The following HECW1 variants were observed in gnomAD, a reference collection of about 807,000 sequenced individuals.
HECW1 encodes the protein E3 ubiquitin-protein ligase HECW1.
HECW1 carries 61 observed loss-of-function variants against 182.3 expected under a neutral mutation model. The observed-to-expected ratio is 0.33, with a 90% CI of 0.27 to 0.41. The LOEUF is 0.41. HECW1 is among the 10% of genes least tolerant of loss of function. The pLI, the probability that HECW1 is intolerant of heterozygous loss-of-function variation, is 1.00. For synonymous variants in HECW1, 859 were observed against 832.6 expected (o/e 1.03, Z -0.55); for missense variants, 1,739 against 2,108.9 (o/e 0.82, Z 3.44).
chr7:43,447,451 T>C (rs1308953076), intron 11 of HECW1, among the ~76,000 whole-genome samples: 1 of 152,204 alleles, frequency 6.6e-6, no homozygotes, highest in Non-Finnish European at 1.5e-5. Context: ...TAAAGAAATA[T>C]CTAAGTTCCT....
At chr7:43,271,740 G>A (rs567625568) in intron 3 of HECW1, among the ~76,000 whole-genome samples, 1 of 152,260 alleles carries the variant, frequency 6.6e-6, no homozygotes, top group South Asian at 2.1e-4. Context: ...CTCGTGGATT[G>A]AAAGAATCAG....
At position 43,229,634 on chromosome 7, in the gene HECW1, TA is replaced by T. The variant is rs59002992; in HGVS notation, c.-31-14231del. ...GCACACCTGAACCTAAAATAAAAGT[TA>T]AAAAAAAAATTAATGGGCTATAAAT... On this transcript the variant is annotated intron_variant, in intron 2 of 29. Coordinates refer to ENST00000395891, the MANE Select transcript of HECW1 (RefSeq NM_015052.5). Among the ~76,000 whole-genome samples, 18 of 150,668 alleles carry T rather than the reference TA, an allele frequency of 1.2e-4. No individual in the cohort carries two copies. In the South Asian group the frequency reaches 1.7e-3, roughly 14 times the overall value.
chr7:43,512,850 T>A (rs2079943713), intron 24 of HECW1, among the ~76,000 whole-genome samples: 1 of 152,248 alleles, frequency 6.6e-6, no homozygotes, highest in African/African-American at 2.4e-5. Flanking sequence ...TCACTCAGGA[T>A]TGACACGGTA....
At chr7:43,421,930 G>C (rs894933439) in intron 8 of HECW1, among the ~76,000 whole-genome samples, 19 of 152,174 alleles carry the variant, frequency 1.2e-4, no homozygotes, top group African/African-American at 4.6e-4. Flanking sequence ...ACAGAGAAGT[G>C]TGGAGGTAAA....
At chr7:43,553,610 A>C (rs1437004482) in intron 28 of HECW1, among the ~76,000 whole-genome samples, 1 of 148,534 alleles carries the variant, frequency 6.7e-6, no homozygotes, top group Non-Finnish European at 1.5e-5. Context: ...CAGAGGTTGC[A>C]GTGAGCCAAG....
chr7:43,513,943 C>G (rs80265753), intron 24 of HECW1, among the ~76,000 whole-genome samples: 4 of 152,226 alleles, frequency 2.6e-5, no homozygotes, highest in Admixed American at 6.5e-5. Flanking sequence ...GGACACAGCC[C>G]CTGCGAGACC....
intron 5 of HECW1, among the ~76,000 whole-genome samples, chr7:43,322,950 A>G (rs1810322353): frequency 1.3e-5 from 2 of 152,224 alleles, no homozygotes; most frequent in Non-Finnish European, 1.5e-5. Flanking sequence ...GAAAGTTTTT[A>G]TCTTTTTTAA....
At chr7:43,523,678 C>T (rs1192856090) in intron 24 of HECW1, among the ~76,000 whole-genome samples, 3 of 151,852 alleles carry the variant, frequency 2.0e-5, no homozygotes, top group African/African-American at 4.8e-5. Context: ...TCCTTGAGAT[C>T]GAGGGAAATA....
chr7:43,333,212 T>C (rs1336947410), intron 5 of HECW1, among the ~76,000 whole-genome samples: 1 of 152,208 alleles, frequency 6.6e-6, no homozygotes, highest in Non-Finnish European at 1.5e-5. Context: ...CAGACATCAC[T>C]AGACTATCAC....
chr7:43,384,781 C>T (rs958780586), intron 6 of HECW1, among the ~76,000 whole-genome samples: 2 of 152,162 alleles, frequency 1.3e-5, no homozygotes, highest in Admixed American at 6.5e-5. Flanking sequence ...GAGTGGGTGG[C>T]TGGAAAGAGC....
intron 3 of HECW1, among the ~76,000 whole-genome samples, chr7:43,304,774 G>A (rs1490529212): frequency 6.6e-6 from 1 of 152,208 alleles, no homozygotes; most frequent in African/African-American, 2.4e-5. Flanking sequence ...GATTACAGGC[G>A]TGAGCCATAG....
chr7:43,133,745 A>G (rs973924966), intron 2 of HECW1, among the ~76,000 whole-genome samples: 5 of 151,830 alleles, frequency 3.3e-5, no homozygotes, highest in African/African-American at 1.2e-4. Context: ...ACTAATGCTG[A>G]TATTCATTTC....
rs191761933 is a variant in HECW1, at chr7:43,224,843, G to A, written c.-31-19032G>A. On this transcript the variant is annotated intron_variant, in intron 2 of 29. Coordinates refer to ENST00000395891, the MANE Select transcript of HECW1 (RefSeq NM_015052.5). ...AAACAAAGAAAGAAAAAGGACCCAC[G>A]TAGGAAGTGTCTCTGGGATTGCTGG... Among the ~76,000 whole-genome samples, 40 of 152,314 alleles carry A rather than the reference G, an allele frequency of 2.6e-4. No individual in the cohort carries two copies. In the East Asian group the frequency reaches 6.6e-3, roughly 25 times the overall value.
chr7:43,256,291 G>C (rs1308929235), intron 3 of HECW1, among the ~76,000 whole-genome samples: 1 of 152,176 alleles, frequency 6.6e-6, no homozygotes, highest in East Asian at 1.9e-4. Context: ...GAGCATTATA[G>C]TTCAAGCCAA....
intron 5 of HECW1, among the ~76,000 whole-genome samples, chr7:43,356,995 C>T (rs1815229676): frequency 6.6e-6 from 1 of 152,074 alleles, no homozygotes. Context: ...AAAAAATGCT[C>T]AACATCAGTA....
chr7:43,159,489 T>C (rs1790273066), intron 2 of HECW1, among the ~76,000 whole-genome samples: 2 of 152,122 alleles, frequency 1.3e-5, no homozygotes, highest in East Asian at 3.8e-4. Context: ...CATTGATATA[T>C]TAGTTTCCTT....
At chr7:43,401,129 C>T (rs2075390562) in intron 7 of HECW1, among the ~76,000 whole-genome samples, 1 of 152,204 alleles carries the variant, frequency 6.6e-6, no homozygotes, top group South Asian at 2.1e-4. Context: ...TATTCATAGG[C>T]TCCAAGGATT....
intron 2 of HECW1, among the ~76,000 whole-genome samples, chr7:43,204,162 G>A (rs533322454): frequency 6.6e-6 from 1 of 152,284 alleles, no homozygotes; most frequent in South Asian, 2.1e-4. Context: ...TTCAACAGTA[G>A]ATGTCAAAGC....
intron 2 of HECW1, among the ~76,000 whole-genome samples, chr7:43,216,091 A>G (rs1796417254): frequency 6.6e-6 from 1 of 152,186 alleles, no homozygotes; most frequent in Non-Finnish European, 1.5e-5. Flanking sequence ...TCTTTGTTTT[A>G]TAAGATGAAA....
Sources: allele counts gnomAD v4.1 joint callset (sites outside exome capture counted in the v4.1 genomes callset), GRCh38; gene constraint gnomAD v4.1.1; transcripts MANE v1.5; gene names NCBI Gene and HGNC (gene_info 2026-07-23, HGNC 2026-07-21).